NTRK2: variants seen among roughly 807,000 people sequenced by gnomAD.
NTRK2 encodes neurotrophic receptor tyrosine kinase 2.
In NTRK2, 13 loss-of-function variants were observed where a neutral mutation model predicts 94.5. That is an observed-to-expected ratio of 0.14 (90% CI 0.09 to 0.22). The LOEUF is 0.22. NTRK2 is among the 10% of genes least tolerant of loss of function. The pLI is 1.00. For missense variants in NTRK2, 639 were observed against 1,071.2 expected (o/e 0.60, Z 5.63); for synonymous variants, 372 against 407.4 (o/e 0.91, Z 1.05).
chr9:85,009,755 T>G (rs1265090662), intron 17 of NTRK2, among the ~76,000 whole-genome samples: 1 of 152,172 alleles, frequency 6.6e-6, no homozygotes, highest in East Asian at 1.9e-4. Flanking sequence ...ATATCAGAGA[T>G]AGCAGAAAAG....
intron 2 of NTRK2, among the ~76,000 whole-genome samples, chr9:84,691,543 T>C (rs2060048642): frequency 6.6e-6 from 1 of 152,074 alleles, no homozygotes; most frequent in African/African-American, 2.4e-5. Flanking sequence ...TCTGTTCTCT[T>C]TGAAAACCAA....
Position 85,021,566 on chromosome 9 carries a change from C to A in NTRK2, c.*129C>A. The A allele has an allele frequency of 1.1e-6, 1 of 882,714 alleles. No homozygotes were observed. The highest frequency in any genetic ancestry group is 1.9e-6 in the Non-Finnish European group (1 of 528,956). 54.7% of individuals were successfully genotyped at this position (882,714 alleles called of 1,614,324 possible). A position where few individuals can be genotyped will look rare whatever the true frequency, so the allele number is the denominator to read the frequency against. ...ACTCTGACAGTATTAACATCAAAGACTCCGAGAAGCTCTCGAGGGAAGCAG... is the reference window on the plus strand; with the variant it reads ...ACTCTGACAGTATTAACATCAAAGAATCCGAGAAGCTCTCGAGGGAAGCAG... On this transcript the variant is annotated 3_prime_UTR_variant, in exon 19 of 19. Transcript: ENST00000277120.
At chr9:84,693,479 T>C (rs963142362) in intron 2 of NTRK2, among the ~76,000 whole-genome samples, 1 of 152,214 alleles carries the variant, frequency 6.6e-6, no homozygotes, top group African/African-American at 2.4e-5. Flanking sequence ...GTAATTTTTT[T>C]CTTTATAATA....
intron 14 of NTRK2, chr9:84,873,493 C>T: frequency 9.4e-7 from 1 of 1,059,418 alleles, no homozygotes; most frequent in Non-Finnish European, 1.1e-6. Flanking sequence ...TTCCCCCTCT[C>T]AGTGCCACGG....
At chr9:84,960,415 G>A (rs911755388) in intron 17 of NTRK2, among the ~76,000 whole-genome samples, 4 of 152,186 alleles carry the variant, frequency 2.6e-5, no homozygotes, top group African/African-American at 7.2e-5. Context: ...AACTGGCCAA[G>A]CATGTAAGAA....
intron 14 of NTRK2, chr9:84,874,972 T>C: frequency 9.5e-7 from 1 of 1,054,940 alleles, no homozygotes; most frequent in Non-Finnish European, 1.1e-6. Context: ...CTAAAATGGG[T>C]ATTTTAAAAT....
intron 14 of NTRK2, among the ~76,000 whole-genome samples, chr9:84,921,112 G>T (rs550209973): frequency 2.6e-5 from 4 of 152,142 alleles, no homozygotes; most frequent in Non-Finnish European, 4.4e-5. Flanking sequence ...ACAAAATGTG[G>T]GAGCCATAAC....
At chr9:84,756,233 A>T (rs138237612) in intron 12 of NTRK2, among the ~76,000 whole-genome samples, 3 of 152,334 alleles carry the variant, frequency 2.0e-5, no homozygotes, top group East Asian at 3.9e-4. Flanking sequence ...TTTCCAGAAC[A>T]GCTCCATTGC....
intron 14 of NTRK2, among the ~76,000 whole-genome samples, chr9:84,907,693 T>C (rs915428646): frequency 2.9e-4 from 44 of 151,884 alleles, no homozygotes; most frequent in African/African-American, 1.0e-3. Context: ...TTCTTCTTTT[T>C]TTTTTTTTTT....
chr9:85,001,134 G>A (rs1830294776), intron 17 of NTRK2, among the ~76,000 whole-genome samples: 2 of 152,158 alleles, frequency 1.3e-5, no homozygotes, highest in African/African-American at 2.4e-5. Context: ...CCCATCTGGT[G>A]TCACAGCCTG....
chr9:84,682,619 C>T (rs114960393), intron 2 of NTRK2, among the ~76,000 whole-genome samples: 53 of 152,272 alleles, frequency 3.5e-4, no homozygotes, highest in African/African-American at 1.2e-3. Flanking sequence ...GCAATTCCCT[C>T]CCACCATGTA....
At chr9:84,799,432 C>A (rs1268862325) in intron 12 of NTRK2, among the ~76,000 whole-genome samples, 1 of 152,078 alleles carries the variant, frequency 6.6e-6, no homozygotes, top group Non-Finnish European at 1.5e-5. Flanking sequence ...AGCAAACAAC[C>A]GATGTGGAAC....
chr9:84,694,519 C>T (rs981792876), intron 2 of NTRK2, among the ~76,000 whole-genome samples: 1 of 152,212 alleles, frequency 6.6e-6, no homozygotes, highest in African/African-American at 2.4e-5. Flanking sequence ...AAGAATAGAG[C>T]CACAGACTGA....
chr9:84,807,331 G>T (rs1377378466), intron 12 of NTRK2, among the ~76,000 whole-genome samples: 2 of 152,128 alleles, frequency 1.3e-5, no homozygotes, highest in Non-Finnish European at 1.5e-5. Context: ...CCTTTGAAAA[G>T]GTCAATGAGT....
At chr9:84,806,066 T>C (rs1475062358) in intron 12 of NTRK2, among the ~76,000 whole-genome samples, 3 of 152,246 alleles carry the variant, frequency 2.0e-5, no homozygotes, top group Non-Finnish European at 2.9e-5. Flanking sequence ...ACTCAACATT[T>C]AGACCTTACT....
intron 12 of NTRK2, among the ~76,000 whole-genome samples, chr9:84,808,462 G>C (rs1226706539): frequency 6.6e-6 from 1 of 152,136 alleles, no homozygotes; most frequent in Non-Finnish European, 1.5e-5. Context: ...AGTTTCTCCT[G>C]TTTTTATTGA....
chr9:84,719,664 A>G (rs2061933424), intron 6 of NTRK2, among the ~76,000 whole-genome samples: 1 of 152,112 alleles, frequency 6.6e-6, no homozygotes, highest in Non-Finnish European at 1.5e-5. Context: ...AACAAGCACC[A>G]TGACGGGCCT....
At chr9:84,881,684 T>C (rs538270694) in intron 14 of NTRK2, among the ~76,000 whole-genome samples, 2 of 152,346 alleles carry the variant, frequency 1.3e-5, no homozygotes, top group South Asian at 4.1e-4. Flanking sequence ...AGTATTTGCC[T>C]ATGATTCTGG....
Position 84,882,719 on chromosome 9 carries a change from T to TGTGCGCGCGCGC in NTRK2, c.1633+15289_1633+15290insTGCGCGCGCGCG, listed in dbSNP as rs761042296. On this transcript the variant is annotated intron_variant, in intron 14 of 18. Coordinates refer to ENST00000277120, the MANE Select transcript of NTRK2 (RefSeq NM_006180.6). Reference sequence around the variant, plus strand: ...TCTAGTGTGTGTGTGTGTGTGTGTGTGCGCGCGCGCGCGCATGTGTGCATT... The same window carrying TGTGCGCGCGCGC: ...TCTAGTGTGTGTGTGTGTGTGTGTGTGTGCGCGCGCGCGCGCGCGCGCGCGCATGTGTGCATT... 7.9e-3 allele frequency among the ~76,000 whole-genome samples: 1,153 copies of TGTGCGCGCGCGC among 145,690 alleles called. 19 individuals carry two copies. The highest frequency in any genetic ancestry group is 0.033 in the Admixed American group (479 of 14,574).
Sources: allele counts gnomAD v4.1 joint callset (sites outside exome capture counted in the v4.1 genomes callset), GRCh38; gene constraint gnomAD v4.1.1; transcripts MANE v1.5; gene names NCBI Gene and HGNC (gene_info 2026-07-23, HGNC 2026-07-21).